Variants in ABCA1 observed in about 807,000 individuals in gnomAD.
The protein encoded by ABCA1 is ATP binding cassette subfamily A member 1.
In ABCA1, 133 loss-of-function variants were observed where a neutral mutation model predicts 262.5. The ratio of observed to expected loss-of-function variants is 0.51; its 90% CI spans 0.44 to 0.59. The LOEUF (loss-of-function observed/expected upper bound fraction) is 0.59. ABCA1 is among the 20% of genes least tolerant of loss of function. ABCA1 has a pLI of 0.00. For missense variants in ABCA1, 2,452 were observed against 2,777.5 expected (o/e 0.88, Z 2.63); for synonymous variants, 1,022 against 1,043.5 (o/e 0.98, Z 0.40).
At chr9:104,915,639 ACT>A (rs1022034993) in intron 1 of ABCA1, among the ~76,000 whole-genome samples, 3 of 152,306 alleles carry the variant, frequency 2.0e-5, no homozygotes, top group African/African-American at 7.2e-5. Flanking sequence ...AGAAAAAACT[ACT>A]GTTATTAAGA....
chr9:104,898,613 C>A (rs1242504955), intron 2 of ABCA1, among the ~76,000 whole-genome samples: 1 of 151,726 alleles, frequency 6.6e-6, no homozygotes, highest in African/African-American at 2.4e-5. Flanking sequence ...ATTAAATTCT[C>A]CTTCCCCAGG....
rs750555058 is a variant in ABCA1 at position 104,786,908 on chromosome 9, G to A, written c.6273C>T (p.Val2091=). The A allele has an allele frequency of 6.2e-7, 1 of 1,613,800 alleles. No individual in the cohort carries two copies. Among genetic ancestry groups the A allele is most frequent in the East Asian group, 2.2e-5 (1 of 44,868 alleles). Residue 2091 remains valine (V), a synonymous_variant, in exon 47 of 50, where the codon GTC becomes GTT. Transcript: ENST00000374736. ...RFLWNCALSV[V]KEGRSVVLTS... ...TAAGCACTACTGATCTCCCCTCCTT[G>A]ACAACACTTAGGGCACAATTCCACA...
intron 1 of ABCA1, among the ~76,000 whole-genome samples, chr9:104,911,710 G>C (rs1841510106): frequency 6.6e-6 from 1 of 152,102 alleles, no homozygotes; most frequent in Admixed American, 6.6e-5. Flanking sequence ...CAGTTCCAGG[G>C]AAACTACCTT....
chr9:104,882,994 G>T, intron 5 of ABCA1, 45 bp downstream of exon 5: 1 of 1,500,774 alleles, frequency 6.7e-7, no homozygotes, highest in South Asian at 1.1e-5. Flanking sequence ...CCTGGTGCAG[G>T]TCAATTTCCA....
At chr9:104,814,087 T>C (rs1831515195) in intron 27 of ABCA1, 31 bp downstream of exon 27, 2 of 1,601,506 alleles carry the variant, frequency 1.2e-6, no homozygotes, top group Non-Finnish European at 1.7e-6. Flanking sequence ...ATTCAAACAG[T>C]AGGACACTGT....
At chr9:104,820,100 C>T (rs769243353) in intron 20 of ABCA1, 31 bp from the exon 21 acceptor site, 36 of 1,613,954 alleles carry the variant, frequency 2.2e-5, no homozygotes, top group Non-Finnish European at 3.1e-5. Flanking sequence ...CAGCTCTGGG[C>T]CCTACTGGAT....
intron 39 of ABCA1, among the ~76,000 whole-genome samples, chr9:104,795,106 G>A (rs1314931593): frequency 2.0e-5 from 3 of 152,242 alleles, no homozygotes; most frequent in Non-Finnish European, 4.4e-5. Flanking sequence ...ATGGACTAAG[G>A]ACTCTGAGAG....
chr9:104,872,023 C>T (rs949399783), intron 5 of ABCA1, among the ~76,000 whole-genome samples: 10 of 152,126 alleles, frequency 6.6e-5, no homozygotes, highest in Admixed American at 4.6e-4. Context: ...AATTAACATA[C>T]ACAATGTATA....
chr9:104,862,658 CCGGGCCGGGCCGGGCCGGGCCGGG>C (rs1836622697), intron 5 of ABCA1, among the ~76,000 whole-genome samples: 1 of 5,178 alleles, frequency 1.9e-4, no homozygotes, highest in African/African-American at 7.6e-4. Flanking sequence ...CCGGGCCGGG[CCGGGCCGGGCCGGGCCGGGCCGGG>C]CCGGGCCGGG....
intron 7 of ABCA1, among the ~76,000 whole-genome samples, chr9:104,849,470 T>C (rs1455355955): frequency 6.6e-6 from 1 of 152,210 alleles, no homozygotes; most frequent in Non-Finnish European, 1.5e-5. Context: ...GTCAATGCCA[T>C]TGTTAGAATC....
rs554650224 is a variant in ABCA1 at position 104,793,350 on chromosome 9, A to G, written c.5507-50T>C. 1.6e-4 allele frequency: 262 copies of G among 1,613,516 alleles called. 2 individuals carry two copies. The South Asian group carries it at 1.7e-3, about 10-fold the overall frequency. On this transcript the variant is annotated intron_variant, in intron 40 of 49. Coordinates refer to ENST00000374736, the MANE Select transcript of ABCA1 (RefSeq NM_005502.4). ...GGTCAGAATGGAGGGATCAAAAACC[A>G]TGGCCCTTCCTCAAATTTGGGCCTA... is the stretch of plus-strand genomic sequence containing the variant.
intron 1 of ABCA1, among the ~76,000 whole-genome samples, chr9:104,907,209 G>C (rs1841207808): frequency 6.6e-6 from 1 of 152,184 alleles, no homozygotes; most frequent in Admixed American, 6.5e-5. Flanking sequence ...CTTCACTGGT[G>C]AGTTCTCTTG....
Position 104,820,048 on chromosome 9 carries a change from G to A in ABCA1, c.2982C>T (p.Ile994=). The change falls in exon 21 of 50, where the codon ATC becomes ATT. Residue 994 remains isoleucine (I), a synonymous_variant. Coordinates refer to ENST00000374736, the MANE Select transcript of ABCA1 (RefSeq NM_005502.4). The part of the protein sequence containing the change: ...LFDMLTVEEH[I]WFYARLKGLS... ...GCCCTTTCAAGCGGGCATAGAACCAGATGTGTTCTTCGACAGTCAGCCTGG... is the reference window on the plus strand; with the variant it reads ...GCCCTTTCAAGCGGGCATAGAACCAAATGTGTTCTTCGACAGTCAGCCTGG... 1 of 1,614,176 alleles carries A rather than the reference G, an allele frequency of 6.2e-7. No individual in the cohort carries two copies. The highest frequency in any genetic ancestry group is 8.5e-7 in the Non-Finnish European group (1 of 1,180,032).
chr9:104,784,399 T>C lies in ABCA1; in HGVS notation c.6702A>G (p.Ser2234=). ...QSDDDHLKDL[S]LHKNQTVVDV... ...CCACTACTGTCTGGTTTTTGTGTAATGAGAGGTCTTTTAAGTGGTCATCAT... is the reference window on the plus strand; with the variant it reads ...CCACTACTGTCTGGTTTTTGTGTAACGAGAGGTCTTTTAAGTGGTCATCAT... Residue 2234 remains serine, a synonymous_variant, in exon 50 of 50, where the codon TCA becomes TCG. Coordinates refer to ENST00000374736, the MANE Select transcript of ABCA1 (RefSeq NM_005502.4). 1.2e-6 allele frequency: 2 copies of C among 1,614,166 alleles called. No individual in the cohort carries two copies. Among genetic ancestry groups the C allele is most frequent in the Non-Finnish European group, 1.7e-6 (2 of 1,180,016 alleles).
chr9:104,803,407 A>ATTTAC, intron 32 of ABCA1, 91 bp from the exon 33 acceptor site: 1 of 1,287,018 alleles, frequency 7.8e-7, no homozygotes, highest in Non-Finnish European at 1.1e-6. Context: ...ACCTGAGGAT[A>ATTTAC]TAAGGAACGG....
chr9:104,814,521 A>C, intron 25 of ABCA1, 46 bp from the exon 26 acceptor site: 1 of 1,573,908 alleles, frequency 6.4e-7, no homozygotes, highest in Non-Finnish European at 8.7e-7. Context: ...CAACATTACG[A>C]GAGTAGTCAC....
chr9:104,903,988 C>T (rs1056415496), intron 1 of ABCA1, among the ~76,000 whole-genome samples: 1 of 152,202 alleles, frequency 6.6e-6, no homozygotes, highest in African/African-American at 2.4e-5. Flanking sequence ...CTAGGAGCTA[C>T]GTGTTATGGT....
chr9:104,926,038 C>A (rs1183445589), intron 1 of ABCA1, among the ~76,000 whole-genome samples: 1 of 151,030 alleles, frequency 6.6e-6, no homozygotes, highest in East Asian at 2.0e-4. Flanking sequence ...AAAAAAAAAT[C>A]AAGAAAATTC....
chr9:104,806,718 T>C (rs1830798837), intron 30 of ABCA1, among the ~76,000 whole-genome samples: 1 of 152,128 alleles, frequency 6.6e-6, no homozygotes, highest in African/African-American at 2.4e-5. Context: ...CAACCAACCA[T>C]TTGCTCACAC....
Sources: gnomAD v4.1 joint callset for allele counts (sites outside exome capture counted in the v4.1 genomes callset) on GRCh38, gnomAD v4.1.1 for gene constraint, MANE v1.5 for transcripts, NCBI Gene and HGNC (gene_info 2026-07-23, HGNC 2026-07-21) for gene names.